SATB1: variants seen among roughly 807,000 people sequenced by gnomAD.
The protein encoded by SATB1 is SATB homeobox 1, also known as DNA-binding protein SATB1.
In SATB1, 11 loss-of-function variants were observed where a neutral mutation model predicts 86.9. The ratio of observed to expected loss-of-function variants is 0.13; its 90% confidence interval spans 0.08 to 0.21. The LOEUF is 0.21. Ranked by LOEUF, SATB1 falls within the 10% of genes least tolerant of loss-of-function variation. The pLI is 1.00. For synonymous variants in SATB1, 357 were observed against 357.2 expected, an observed-to-expected ratio of 1.00 and a Z score of 0.01; for missense variants, 551 against 937.6, an observed-to-expected ratio of 0.59 and a Z score of 5.39.
rs1347669464 is a variant in SATB1 at position 18,423,993 on chromosome 3, G to A, written c.-391C>T. The stretch of plus-strand genomic sequence containing the variant: ...GGAGGGGAGAGTGGGAAGCAGGGAG[G>A]AGGAAGAAGATAAAATTGATCTGAC... On this transcript the variant is annotated 5_prime_UTR_variant, in exon 1 of 11. Transcript: ENST00000338745. The A allele has an allele frequency of 6.6e-6, 1 of 152,264 alleles. No individual in the cohort carries two copies. The highest frequency in any genetic ancestry group is 2.4e-5 in the African/African-American group (1 of 41,370). The allele number at this position is 152,264 out of a possible 1,614,324, so 9.4% of individuals were successfully genotyped here. A position where few individuals can be genotyped will look rare whatever the true frequency, so the allele number is the denominator to read the frequency against.
At chr3:18,441,622 G>GA (rs1165367615), upstream of SATB1, among the ~76,000 whole-genome samples, 1 of 152,138 alleles carries the variant, frequency 6.6e-6, no homozygotes, top group Non-Finnish European at 1.5e-5. Context: ...TTACAGAACA[G>GA]ATGAAAACCC....
At chr3:18,422,323 A>G (rs181752038) in intron 1 of SATB1, among the ~76,000 whole-genome samples, 37 of 152,320 alleles carry the variant, frequency 2.4e-4, no homozygotes, top group African/African-American at 8.2e-4. Context: ...CTGTTTAACC[A>G]TAGCCTACTT....
At chr3:18,360,146 A>G (rs1333134278) in intron 9 of SATB1, among the ~76,000 whole-genome samples, 8 of 152,138 alleles carry the variant, frequency 5.3e-5, no homozygotes, top group African/African-American at 1.9e-4. Flanking sequence ...TGTGATTCCT[A>G]CAAAAAAGCA....
intron 7 of SATB1, among the ~76,000 whole-genome samples, chr3:18,393,196 T>G (rs1169827629): frequency 6.6e-6 from 1 of 151,736 alleles, no homozygotes; most frequent in Admixed American, 6.6e-5. Context: ...AACTTAAATA[T>G]GAAAGGAAAA....
upstream of SATB1, among the ~76,000 whole-genome samples, chr3:18,430,227 G>A (rs747783824): frequency 1.3e-5 from 2 of 152,060 alleles, no homozygotes; most frequent in Non-Finnish European, 2.9e-5. Flanking sequence ...GACAACTAAG[G>A]GAATCCAAGA....
chr3:18,433,071 T>C (rs1698940558), intron 2 of SATB1, among the ~76,000 whole-genome samples: 1 of 152,230 alleles, frequency 6.6e-6, no homozygotes, highest in South Asian at 2.1e-4. Flanking sequence ...CCCACTCACT[T>C]TGAGGTTCCT....
At chr3:18,422,030 A>G (rs1698423297) in intron 1 of SATB1, among the ~76,000 whole-genome samples, 1 of 152,268 alleles carries the variant, frequency 6.6e-6, no homozygotes, top group East Asian at 1.9e-4. Flanking sequence ...AAGTGATTAG[A>G]CAATATCAAA....
rs1487384942 is a variant in SATB1 at position 18,346,798 on chromosome 3, A to C, written c.*2372T>G. On this transcript the variant is annotated 3_prime_UTR_variant, in exon 11 of 11. Transcript: ENST00000338745. ...GGAATTGGAAAGTTATTTGCAACCC[A>C]AACTTAGGGGATATAAGGAAGAGGA... The C allele has an allele frequency of 6.6e-6, 1 of 152,156 alleles. No individual in the cohort carries two copies. Among genetic ancestry groups the C allele is most frequent in the South Asian group, 2.1e-4 (1 of 4,834 alleles). 9.4% of individuals were successfully genotyped at this position (152,156 alleles called of 1,614,324 possible).
chr3:18,415,017 A>T (rs1221195399), intron 5 of SATB1, 94 bp downstream of exon 5: 6 of 1,423,430 alleles, frequency 4.2e-6, no homozygotes, highest in Non-Finnish European at 4.8e-6. Flanking sequence ...TTCTTGCTTC[A>T]GATACCAGTT....
chr3:18,373,112 C>T (rs1366106297), intron 9 of SATB1, among the ~76,000 whole-genome samples: 1 of 152,214 alleles, frequency 6.6e-6, no homozygotes, highest in Non-Finnish European at 1.5e-5. Flanking sequence ...GTGTCCTCTA[C>T]ACATTTAGAT....
chr3:18,363,842 G>A (rs62238532), intron 9 of SATB1, among the ~76,000 whole-genome samples: 19,414 of 152,066 alleles, frequency 0.13, 2,064 homozygotes, highest in African/African-American at 0.28. Context: ...GATACTAAAG[G>A]TATAGTTAGT....
chr3:18,363,965 T>TGTTTTG (rs1695053966), intron 9 of SATB1, among the ~76,000 whole-genome samples: 1 of 151,436 alleles, frequency 6.6e-6, no homozygotes, highest in African/African-American at 2.5e-5. Context: ...GGAAGGTTTC[T>TGTTTTG]GTTTTGGTGG....
At chr3:18,411,286 G>A (rs911969718) in intron 5 of SATB1, among the ~76,000 whole-genome samples, 6 of 152,172 alleles carry the variant, frequency 3.9e-5, no homozygotes, top group South Asian at 2.1e-4. Context: ...GTGTGCACGC[G>A]CGAGTATGTA....
chr3:18,423,332 A>G (rs1698486154), intron 1 of SATB1, among the ~76,000 whole-genome samples: 1 of 152,224 alleles, frequency 6.6e-6, no homozygotes, highest in Admixed American at 6.5e-5. Flanking sequence ...CTCAGTAACA[A>G]CAATTATTTC....
intron 5 of SATB1, among the ~76,000 whole-genome samples, chr3:18,402,173 C>T (rs1559438413): frequency 6.6e-6 from 1 of 152,010 alleles, no homozygotes; most frequent in Non-Finnish European, 1.5e-5. Flanking sequence ...ATCTATAACA[C>T]GTTTAAAAAT....
intron 2 of SATB1, among the ~76,000 whole-genome samples, chr3:18,431,186 C>T (rs1366156225): frequency 1.3e-5 from 2 of 152,106 alleles, no homozygotes; most frequent in Non-Finnish European, 2.9e-5. Flanking sequence ...CCCTAGAGTC[C>T]ACAAAGATGC....
intron 9 of SATB1, among the ~76,000 whole-genome samples, chr3:18,375,265 C>A (rs1456975821): frequency 6.6e-6 from 1 of 152,114 alleles, no homozygotes; most frequent in African/African-American, 2.4e-5. Flanking sequence ...GTTGGCTGTA[C>A]TACATTTATT....
intron 5 of SATB1, among the ~76,000 whole-genome samples, chr3:18,402,668 C>G (rs1475769306): frequency 2.6e-5 from 4 of 152,058 alleles, no homozygotes; most frequent in Non-Finnish European, 5.9e-5. Context: ...TTCATATGAT[C>G]TACATGCTTG....
chr3:18,392,995 C>T (rs1696765864), intron 7 of SATB1, among the ~76,000 whole-genome samples: 1 of 149,196 alleles, frequency 6.7e-6, no homozygotes, highest in Non-Finnish European at 1.5e-5. Flanking sequence ...AAAGATGAAT[C>T]GACTGAAAAC....
Sources: gnomAD v4.1 joint callset for allele counts (sites outside exome capture counted in the v4.1 genomes callset) on GRCh38, gnomAD v4.1.1 for gene constraint, MANE v1.5 for transcripts, NCBI Gene and HGNC (gene_info 2026-07-23, HGNC 2026-07-21) for gene names.